The following KLRG2 variants were observed in gnomAD, a reference collection of about 807,000 sequenced individuals.
KLRG2 encodes the protein killer cell lectin-like receptor subfamily G member 2.
KLRG2 carries 39 observed loss-of-function variants against 35.4 expected under a neutral mutation model. The ratio of observed to expected loss-of-function variants is 1.10; its 90% CI spans 0.85 to 1.44. The LOEUF (loss-of-function observed/expected upper bound fraction) is 1.44. Ranked by LOEUF, KLRG2 falls within the 40% of genes most tolerant of loss-of-function variation. The pLI is 0.00. For synonymous variants in KLRG2, 283 were observed against 265.8 expected (o/e 1.06, Z -0.63); for missense variants, 632 against 570.9 (o/e 1.11, Z -1.09).
the KLRG2 span, among the ~76,000 whole-genome samples, chr7:139,431,842 G>C: frequency 6.6e-6 from 1 of 152,064 alleles, no homozygotes; most frequent in African/African-American, 2.4e-5. Context: ...AAACTCATGA[G>C]AATTTACCTT....
At chr7:139,475,954 G>GA (rs71169094) in intron 3 of KLRG2, among the ~76,000 whole-genome samples, 16,550 of 142,230 alleles carry the variant, frequency 0.12, 1,399 homozygotes, top group East Asian at 0.42. Context: ...GTGGGTAAGA[G>GA]AAAAAAAAAA....
downstream of KLRG2, among the ~76,000 whole-genome samples, chr7:139,452,487 A>G (rs926934610): frequency 6.6e-6 from 1 of 152,158 alleles, no homozygotes; most frequent in Admixed American, 6.5e-5. Context: ...AATTTCTCCC[A>G]TCTAGGACTC....
chr7:139,475,881 T>C (rs961908369), intron 3 of KLRG2, among the ~76,000 whole-genome samples: 2 of 151,258 alleles, frequency 1.3e-5, no homozygotes, highest in Non-Finnish European at 2.9e-5. Context: ...TGAAGCTATC[T>C]CCGGGAAAAC....
Position 139,482,878 on chromosome 7 carries a change from G to C in KLRG2, c.757+8C>G, listed in dbSNP as rs1796984868. 6.9e-7 allele frequency: 1 copy of C among 1,446,020 alleles called. No individual in the cohort carries two copies. Among genetic ancestry groups the C allele is most frequent in the Non-Finnish European group, 9.0e-7 (1 of 1,109,958 alleles). 89.6% of individuals were successfully genotyped at this position (1,446,020 alleles called of 1,614,324 possible). On this transcript the variant is annotated splice_region_variant and intron_variant, in intron 1 of 4. Transcript: ENST00000340940. Reference sequence around the variant, plus strand: ...CGGCGTCGGCTGCCGGCGCAGGTGAGCACTCACCCGTAAGCGTTACGGCCC... The same window carrying C: ...CGGCGTCGGCTGCCGGCGCAGGTGACCACTCACCCGTAAGCGTTACGGCCC...
In KLRG2 at chr7:139,482,990, C is replaced by A; in HGVS notation, c.653G>T (p.Cys218Phe). ...GSAGSPGSPT[C>F]CRCKELGLEK... Reference sequence around the variant, plus strand: ...CAGCCCCAGCTCCTTGCAGCGGCAGCACGTGGGGGAGCCCGGGGAGCCGGC... The same window carrying A: ...CAGCCCCAGCTCCTTGCAGCGGCAGAACGTGGGGGAGCCCGGGGAGCCGGC... The change falls in exon 1 of 5, where the codon TGC becomes TTC. Residue 218 changes from cysteine (C) to phenylalanine (F), a missense_variant. Physicochemically the swap from Cys to Phe is radical, Grantham distance 205. Transcript: ENST00000340940. 7.2e-7 allele frequency: 1 copy of A among 1,398,108 alleles called. No individual in the cohort carries two copies. The highest frequency in any genetic ancestry group is 3.0e-5 in the East Asian group (1 of 33,234). The allele number at this position is 1,398,108 out of a possible 1,614,324, so 86.6% of individuals were successfully genotyped here. A position where few individuals can be genotyped will look rare whatever the true frequency, so the allele number is the denominator to read the frequency against.
At chr7:139,450,318 G>A (rs557805954), downstream of KLRG2, among the ~76,000 whole-genome samples, 7 of 152,112 alleles carry the variant, frequency 4.6e-5, no homozygotes, top group African/African-American at 1.7e-4. Context: ...CTGCCTCCTG[G>A]GTTCACGCCA....
intron 3 of KLRG2, among the ~76,000 whole-genome samples, chr7:139,476,207 A>G (rs1418692178): frequency 6.6e-6 from 1 of 152,132 alleles, no homozygotes; most frequent in East Asian, 1.9e-4. Context: ...GTTTGAGACA[A>G]GCCTGGGCAA....
intron 3 of KLRG2, among the ~76,000 whole-genome samples, chr7:139,463,726 G>A (rs1218747164): frequency 1.3e-5 from 2 of 152,212 alleles, no homozygotes; most frequent in African/African-American, 4.8e-5. Context: ...CTCTCTGACT[G>A]ACTCCTTCCC....
chr7:139,440,465 TGTTACC>T, the KLRG2 span, among the ~76,000 whole-genome samples: 2 of 135,104 alleles, frequency 1.5e-5, no homozygotes, highest in Non-Finnish European at 3.1e-5. Flanking sequence ...GATCTTCCCA[TGTTACC>T]CAGGCTGATC....
the KLRG2 span, among the ~76,000 whole-genome samples, chr7:139,443,349 G>C: frequency 6.6e-6 from 1 of 151,902 alleles, no homozygotes; most frequent in Non-Finnish European, 1.5e-5. Flanking sequence ...GCCTCCCAAA[G>C]TTTTGAGATT....
chr7:139,480,990 C>T (rs1419291463), intron 1 of KLRG2, among the ~76,000 whole-genome samples: 1 of 152,080 alleles, frequency 6.6e-6, no homozygotes, highest in African/African-American at 2.4e-5. Flanking sequence ...GTGATCCGCC[C>T]GCCTTGGCCT....
intron 3 of KLRG2, among the ~76,000 whole-genome samples, chr7:139,474,981 A>G (rs553844605): frequency 7.2e-5 from 11 of 152,248 alleles, no homozygotes; most frequent in African/African-American, 2.4e-4. Flanking sequence ...TATTCTAGGG[A>G]GGGTCCTGGC....
At position 139,483,448 on chromosome 7, in the gene KLRG2, C is replaced by A; in HGVS notation, c.195G>T (p.Ser65=). 6.3e-7 allele frequency: 1 copy of A among 1,577,398 alleles called. No homozygotes were observed. The highest frequency in any genetic ancestry group is 8.5e-7 in the Non-Finnish European group (1 of 1,171,574). The part of the protein sequence containing the change: ...EKAAGAGLEP[S]SKKKPPSPRP... Reference sequence around the variant, plus strand: ...GAGGCGAAGGCGGCTTTTTCTTGCTCGAGGGCTCCAGGCCTGCGCCCGCCG... The same window carrying A: ...GAGGCGAAGGCGGCTTTTTCTTGCTAGAGGGCTCCAGGCCTGCGCCCGCCG... Residue 65 remains serine, a synonymous_variant, in exon 1 of 5, where the codon TCG becomes TCT. Transcript: ENST00000340940.
At chr7:139,451,381 T>C (rs1796373260), downstream of KLRG2, among the ~76,000 whole-genome samples, 1 of 151,976 alleles carries the variant, frequency 6.6e-6, no homozygotes, top group South Asian at 2.1e-4. Flanking sequence ...ATGCCTATAG[T>C]CCCAGCTACT....
chr7:139,457,873 G>A (rs1796503652), intron 3 of KLRG2, among the ~76,000 whole-genome samples: 5 of 152,124 alleles, frequency 3.3e-5, no homozygotes, highest in Admixed American at 3.3e-4. Flanking sequence ...AATAAACTCT[G>A]GGAACTACTA....
Position 139,483,093 on chromosome 7 carries a change from G to A in KLRG2, c.550C>T (p.Arg184Cys). 7.0e-7 allele frequency: 1 copy of A among 1,430,266 alleles called. No homozygotes were observed. The highest frequency in any genetic ancestry group is 9.1e-7 in the Non-Finnish European group (1 of 1,101,868). 88.6% of individuals were successfully genotyped at this position (1,430,266 alleles called of 1,614,324 possible). The change falls in exon 1 of 5, where the codon CGC (arginine) becomes TGC (cysteine). Residue 184 changes from arginine to cysteine, a missense_variant. Transcript: ENST00000340940. ...RAPSQGGTWG[R>C]RSPLAAARTE... ...CGGGCTGCAGCCAGCGGCGAGCGGC[G>A]GCCCCACGTGCCGCCCTGGGATGGT...
chr7:139,453,939 C>T (rs1007466892), intron 4 of KLRG2, among the ~76,000 whole-genome samples, 172 bp downstream of exon 4: 1 of 152,150 alleles, frequency 6.6e-6, no homozygotes, highest in African/African-American at 2.4e-5. Flanking sequence ...GTGCTGGGAA[C>T]CCAAATAAAG....
chr7:139,467,834 G>A (rs889533080), intron 3 of KLRG2, among the ~76,000 whole-genome samples: 2 of 152,136 alleles, frequency 1.3e-5, no homozygotes, highest in African/African-American at 4.8e-5. Flanking sequence ...TAAAGGGTCT[G>A]TGCTGAGGAG....
At chr7:139,466,631 T>C (rs1015277289) in intron 3 of KLRG2, among the ~76,000 whole-genome samples, 4 of 152,182 alleles carry the variant, frequency 2.6e-5, no homozygotes, top group Non-Finnish European at 5.9e-5. Flanking sequence ...ACACTATCAA[T>C]CTCAGTCACT....
Sources: gnomAD v4.1 joint callset for allele counts (sites outside exome capture counted in the v4.1 genomes callset) on GRCh38, gnomAD v4.1.1 for gene constraint, MANE v1.5 for transcripts, NCBI Gene and HGNC (gene_info 2026-07-23, HGNC 2026-07-21) for gene names.